SLC17A4: variants seen among roughly 807,000 people sequenced by gnomAD.
SLC17A4 encodes solute carrier family 17 member 4, also known as probable small intestine urate exporter.
Under a neutral mutation model 52.5 loss-of-function variants are expected in SLC17A4, and 33 were observed. The ratio of observed to expected loss-of-function variants is 0.63; its 90% CI spans 0.48 to 0.84. SLC17A4 has a LOEUF of 0.84. SLC17A4 is among the 40% of genes least tolerant of loss of function. The pLI is 0.00. For missense variants in SLC17A4, 585 were observed against 597.1 expected (o/e 0.98, Z 0.21); for synonymous variants, 225 against 216.2 (o/e 1.04, Z -0.36).
intron 2 of SLC17A4, among the ~76,000 whole-genome samples, chr6:25,766,748 C>T (rs9467593): frequency 0.021 from 3,268 of 152,258 alleles, 74 homozygotes; most frequent in African/African-American, 0.058. Context: ...CCACAAAACA[C>T]CTGACTGGTG....
chr6:25,776,473 T>G, intron 8 of SLC17A4, 122 bp from the exon 9 acceptor site: 2 of 1,162,488 alleles, frequency 1.7e-6, no homozygotes, highest in Non-Finnish European at 2.4e-6. Context: ...AACATGGAAT[T>G]TGTATTAAAA....
chr6:25,768,855 TACAGAGGA>T, intron 2 of SLC17A4, 122 bp from the exon 3 acceptor site: 2 of 855,412 alleles, frequency 2.3e-6, no homozygotes, highest in Non-Finnish European at 3.7e-6. Context: ...ACTACACACC[TACAGAGGA>T]ATGTCTGCTC....
At chr6:25,773,722 T>C (rs1340095820) in intron 8 of SLC17A4, 48 bp downstream of exon 8, 6 of 1,578,948 alleles carry the variant, frequency 3.8e-6, no homozygotes, top group Middle Eastern at 3.4e-4. Context: ...AATGCTTAAA[T>C]AATGAGAGCT....
chr6:25,764,452 C>A (rs1415590269), intron 2 of SLC17A4, among the ~76,000 whole-genome samples: 2 of 152,178 alleles, frequency 1.3e-5, no homozygotes, highest in Non-Finnish European at 2.9e-5. Context: ...AAAACAAGCA[C>A]AACACTTTGA....
chr6:25,777,854 C>T lies in SLC17A4; in HGVS notation c.1269-72C>T. The T allele has an allele frequency of 3.2e-6, 4 of 1,265,098 alleles. No homozygotes were observed. In the Admixed American group the frequency reaches 5.1e-5, roughly 16 times the overall value. The allele number at this position is 1,265,098 out of a possible 1,614,324, so 78.4% of individuals were successfully genotyped here. On this transcript the variant is annotated intron_variant, in intron 10 of 11. Coordinates refer to ENST00000377905, the MANE Select transcript of SLC17A4 (RefSeq NM_005495.3). ...TTGTTTGCACAGGAATATTTGCCTC[C>T]CTCTCCCGGGTATTGAGACTTTCAA...
intron 1 of SLC17A4, among the ~76,000 whole-genome samples, chr6:25,761,112 GT>G (rs1161711417): frequency 2.0e-5 from 3 of 152,184 alleles, no homozygotes; most frequent in African/African-American, 7.2e-5. Flanking sequence ...CTGGGGATGA[GT>G]TCTCAGACAA....
At position 25,779,484 on chromosome 6, in the gene SLC17A4, G is replaced by C; in HGVS notation, c.*296G>C. ...ATTTCTTTCCAAAGCAAAAGAGGAA[G>C]CCAGACCTTGGGACCGAGAACTGAG... On this transcript the variant is annotated 3_prime_UTR_variant, in exon 12 of 12. Transcript: ENST00000377905. The C allele has an allele frequency of 3.6e-6, 1 of 278,206 alleles. No individual in the cohort carries two copies. The highest frequency in any genetic ancestry group is 6.7e-6 in the Non-Finnish European group (1 of 149,752). 17.2% of individuals were successfully genotyped at this position (278,206 alleles called of 1,614,324 possible).
In SLC17A4 at chr6:25,777,959, CTT is replaced by C; in HGVS notation, c.1304_1305del (p.Phe435CysfsTer35). The C allele has an allele frequency of 6.2e-7, 1 of 1,613,188 alleles. No homozygotes were observed. Among genetic ancestry groups the C allele is most frequent in the Non-Finnish European group, 8.5e-7 (1 of 1,179,652 alleles). On this transcript the variant is annotated frameshift_variant, in exon 11 of 12. Coordinates refer to ENST00000377905, the MANE Select transcript of SLC17A4 (RefSeq NM_005495.3). LOFTEE classifies it high-confidence loss of function. The stretch of plus-strand genomic sequence containing the variant: ...GCTTTCTCAAAGGACTATTGCAAGT[CTT>C]TGCACACATAGCTGGAGCCATCTCT... The part of the protein sequence containing the change: ...TGFLKGLLQV[F>X]AHIAGAISPT...
chr6:25,776,544 G>GT, intron 8 of SLC17A4, 51 bp from the exon 9 acceptor site: 1 of 1,546,126 alleles, frequency 6.5e-7, no homozygotes, highest in Non-Finnish European at 8.7e-7. Flanking sequence ...TGTCTGTGTC[G>GT]TGGTGGGGGT....
Position 25,780,381 on chromosome 6 carries a change from A to G in SLC17A4, c.*1193A>G, listed in dbSNP as rs1278066964. The G allele has an allele frequency of 6.6e-6, 1 of 152,230 alleles. No homozygotes were observed. Among genetic ancestry groups the G allele is most frequent in the Non-Finnish European group, 1.5e-5 (1 of 68,048 alleles). The allele number at this position is 152,230 out of a possible 1,614,324, so 9.4% of individuals were successfully genotyped here. On this transcript the variant is annotated 3_prime_UTR_variant, in exon 12 of 12. Transcript: ENST00000377905. ...GGTTATGAGAGTGGATGATAAGTGCACTAATCTGAGTGTAAGGAAGGGCCA... is the reference window on the plus strand; with the variant it reads ...GGTTATGAGAGTGGATGATAAGTGCGCTAATCTGAGTGTAAGGAAGGGCCA...
chr6:25,777,862 G>A (rs898597019), intron 10 of SLC17A4, 64 bp from the exon 11 acceptor site: 29 of 1,351,310 alleles, frequency 2.1e-5, no homozygotes, highest in South Asian at 3.6e-5. Context: ...TCCCTCTCCC[G>A]GGTATTGAGA....
intron 10 of SLC17A4, chr6:25,777,605 AC>A (rs1763041088): frequency 5.2e-6 from 1 of 193,762 alleles, no homozygotes; most frequent in African/African-American, 2.6e-5. Flanking sequence ...AACAACAACA[AC>A]AAAAACCTTA....
At position 25,776,825 on chromosome 6, in the gene SLC17A4, A is replaced by G. The variant is rs375987580; in HGVS notation, c.1134A>G (p.Pro378=). ...KLFTAIGVLF[P]SVILVSLPWV... is the part of the protein sequence containing the mutation. Reference sequence around the variant, plus strand: ...CTCCTACCCCAGGGGTTCTCTTCCCATCCGTGATCCTCGTGTCCCTGCCCT... The same window carrying G: ...CTCCTACCCCAGGGGTTCTCTTCCCGTCCGTGATCCTCGTGTCCCTGCCCT... Residue 378 remains proline (P), a synonymous_variant, in exon 10 of 12, where the codon CCA becomes CCG. Coordinates refer to ENST00000377905, the MANE Select transcript of SLC17A4 (RefSeq NM_005495.3). 13 of 1,613,944 alleles carry G rather than the reference A, an allele frequency of 8.1e-6. No individual in the cohort carries two copies. The highest frequency in any genetic ancestry group is 1.1e-5 in the Non-Finnish European group (13 of 1,179,912).
intron 8 of SLC17A4, among the ~76,000 whole-genome samples, chr6:25,775,070 C>A (rs921866397): frequency 6.6e-6 from 1 of 152,132 alleles, no homozygotes; most frequent in African/African-American, 2.4e-5. Context: ...TGGCTCATGC[C>A]TATAATCCCA....
At position 25,760,033 on chromosome 6, in the gene SLC17A4, A is replaced by G. The variant is rs527860294; in HGVS notation, c.-36-1894A>G. Among the ~76,000 whole-genome samples, 20 of 152,342 alleles carry G rather than the reference A, an allele frequency of 1.3e-4. No individual in the cohort carries two copies. In the South Asian group the frequency reaches 4.1e-3, roughly 32 times the overall value. ...TCTCTGGTACACACCGTGAAGCAGC[A>G]ATACAAGTGGGAGGATGCAGCTTGA... On this transcript the variant is annotated intron_variant, in intron 1 of 11. Transcript: ENST00000377905.
At chr6:25,773,450 G>A in intron 7 of SLC17A4, 57 bp downstream of exon 7, 1 of 1,612,648 alleles carries the variant, frequency 6.2e-7, no homozygotes, top group Non-Finnish European at 8.5e-7. Flanking sequence ...TCTGAGAGAT[G>A]AAGAATGTGA....
rs1422493999 is a variant in SLC17A4 at position 25,770,205 on chromosome 6, T to C, written c.436T>C (p.Phe146Leu). 2.5e-6 allele frequency: 4 copies of C among 1,614,110 alleles called. No individual in the cohort carries two copies. Among genetic ancestry groups the C allele is most frequent in the Middle Eastern group, 1.6e-4 (1 of 6,062 alleles). Residue 146 changes from phenylalanine to leucine, a missense_variant, in exon 4 of 12, where the codon TTT (phenylalanine) becomes CTT (leucine). Transcript: ENST00000377905. ...CAAGTATGTGGTTGGTGCTGGCTTG[T>C]TTATTTCCTCATTCCTGACCCTCTT... ...GAKYVVGAGLFISSFLTLFIP... is the reference protein window; with the variant it reads ...GAKYVVGAGLLISSFLTLFIP...
At chr6:25,769,312 T>C (rs537628043) in intron 3 of SLC17A4, 122 bp downstream of exon 3, 2 of 943,674 alleles carry the variant, frequency 2.1e-6, no homozygotes, top group East Asian at 2.6e-5. Context: ...GTGCCAGGAA[T>C]GGCACAAGTA....
At chr6:25,778,088 G>C in intron 11 of SLC17A4, 72 bp downstream of exon 11, 1 of 1,113,884 alleles carries the variant, frequency 9.0e-7, no homozygotes, top group South Asian at 1.3e-5. Context: ...CATATGCACG[G>C]CCTTGTATCC....
Sources: gnomAD v4.1 joint callset for allele counts (sites outside exome capture counted in the v4.1 genomes callset) on GRCh38, gnomAD v4.1.1 for gene constraint, MANE v1.5 for transcripts, NCBI Gene and HGNC (gene_info 2026-07-23, HGNC 2026-07-21) for gene names.